The following KHDRBS2 variants were observed in gnomAD, a reference collection of about 807,000 sequenced individuals.
KHDRBS2 encodes the protein KH domain-containing, RNA-binding, signal transduction-associated protein 2.
KHDRBS2 carries 26 observed loss-of-function variants against 44.3 expected under a neutral mutation model. That is an observed-to-expected ratio of 0.59 (90% CI 0.43 to 0.81). The LOEUF (loss-of-function observed/expected upper bound fraction) is 0.81. Ranked by LOEUF, KHDRBS2 falls within the 40% of genes least tolerant of loss-of-function variation. The probability of loss-of-function intolerance (pLI) is 0.00; values close to 1 mark genes in which losing one functional copy is unlikely to be tolerated. For synonymous variants in KHDRBS2, 194 were observed against 151.1 expected (o/e 1.28, Z -2.08); for missense variants, 476 against 433.1 (o/e 1.10, Z -0.88).
chr6:62,098,045 C>T (rs1234922667), intron 2 of KHDRBS2, among the ~76,000 whole-genome samples: 1 of 152,036 alleles, frequency 6.6e-6, no homozygotes, highest in Non-Finnish European at 1.5e-5. Context: ...ATTCCCCCCA[C>T]ATTTGGAATT....
chr6:61,614,659 A>G, the KHDRBS2 span, among the ~76,000 whole-genome samples: 1 of 152,262 alleles, frequency 6.6e-6, no homozygotes, highest in African/African-American at 2.4e-5. Flanking sequence ...TTTTTATTCT[A>G]GATAGAGGCA....
At chr6:62,027,689 T>C (rs1341230857) in intron 3 of KHDRBS2, among the ~76,000 whole-genome samples, 1 of 152,084 alleles carries the variant, frequency 6.6e-6, no homozygotes, top group African/African-American at 2.4e-5. Flanking sequence ...ATAACATGCT[T>C]ATGAAATGCA....
intron 1 of KHDRBS2, among the ~76,000 whole-genome samples, chr6:62,283,009 A>T (rs879474568): frequency 6.6e-6 from 1 of 152,122 alleles, no homozygotes; most frequent in Admixed American, 6.6e-5. Flanking sequence ...AAATAAACTT[A>T]TGTAATTTCA....
At chr6:62,210,319 C>A (rs1828803367) in intron 1 of KHDRBS2, among the ~76,000 whole-genome samples, 2 of 144,752 alleles carry the variant, frequency 1.4e-5, no homozygotes, top group Non-Finnish European at 1.5e-5. Flanking sequence ...GCACATTATT[C>A]TAGCATTCTT....
chr6:62,250,207 C>T lies in KHDRBS2; in HGVS notation c.91+35651G>A, dbSNP rs116556034. On this transcript the variant is annotated intron_variant, in intron 1 of 8. Transcript: ENST00000281156. ...AAAGAGGACAAACGATCAGCTATTGCTAATGAAATACTGTAATTATAAATT... is the reference window on the plus strand; with the variant it reads ...AAAGAGGACAAACGATCAGCTATTGTTAATGAAATACTGTAATTATAAATT... Among the ~76,000 whole-genome samples, 380 of 152,118 alleles carry T rather than the reference C, an allele frequency of 2.5e-3. 3 individuals are homozygous for T. Among genetic ancestry groups the T allele is most frequent in the African/African-American group, 8.4e-3 (348 of 41,532 alleles).
chr6:61,775,316 A>G (rs1353749345), intron 6 of KHDRBS2, among the ~76,000 whole-genome samples: 1 of 152,116 alleles, frequency 6.6e-6, no homozygotes, highest in Non-Finnish European at 1.5e-5. Flanking sequence ...AGAAGGAAAT[A>G]AAGGGTATTC....
At chr6:61,678,216 C>A (rs1766055283), downstream of KHDRBS2, among the ~76,000 whole-genome samples, 1 of 151,936 alleles carries the variant, frequency 6.6e-6, no homozygotes. Context: ...CATTTCAGTT[C>A]TTTGAGCATC....
intron 1 of KHDRBS2, among the ~76,000 whole-genome samples, chr6:62,223,140 T>C (rs1358022247): frequency 1.3e-5 from 2 of 152,238 alleles, no homozygotes; most frequent in African/African-American, 4.8e-5. Flanking sequence ...AGCAAACTTC[T>C]GCCTGGACAT....
At chr6:62,183,883 TTAAC>T (rs576702112) in intron 1 of KHDRBS2, among the ~76,000 whole-genome samples, 4 of 151,722 alleles carry the variant, frequency 2.6e-5, no homozygotes, top group African/African-American at 9.6e-5. Context: ...GGAAGGAACT[TTAAC>T]TATTTTACAA....
intron 6 of KHDRBS2, among the ~76,000 whole-genome samples, chr6:61,847,276 A>G (rs1198369436): frequency 6.6e-6 from 1 of 152,166 alleles, no homozygotes; most frequent in African/African-American, 2.4e-5. Context: ...TAGAAAACTT[A>G]TATTTGTAAA....
intron 7 of KHDRBS2, among the ~76,000 whole-genome samples, chr6:61,723,550 AAAACAAACAAAC>A (rs199689641): frequency 1.4e-4 from 22 of 152,090 alleles, no homozygotes; most frequent in African/African-American, 4.3e-4. Context: ...CTCCATCTCA[AAAACAAACAAAC>A]AAACAAACAA....
Position 62,240,672 on chromosome 6 carries a change from GTATATATATATATATATATATA to G in KHDRBS2, c.91+45164_91+45185del, listed in dbSNP as rs4036655. ...TGTATGTGTGTATGTATGTGTGTGT[GTATATATATATATATATATATA>G]TATATATATATATATATATATATAA... On this transcript the variant is annotated intron_variant, in intron 1 of 8. Coordinates refer to ENST00000281156, the MANE Select transcript of KHDRBS2 (RefSeq NM_152688.4). Among the ~76,000 whole-genome samples, 424 of 64,160 alleles carry G rather than the reference GTATATATATATATATATATATA, an allele frequency of 6.6e-3. 6 individuals are homozygous for G. The highest frequency in any genetic ancestry group is 0.015 in the African/African-American group (278 of 18,898). 42.1% of individuals were successfully genotyped at this position (64,160 alleles called of 152,430 possible).
intron 5 of KHDRBS2, among the ~76,000 whole-genome samples, chr6:61,898,396 T>TTTATTGTAAGTCTCTAAGTGA (rs1469311624): frequency 6.6e-6 from 1 of 151,986 alleles, no homozygotes; most frequent in African/African-American, 2.4e-5. Flanking sequence ...CATTTAATGT[T>TTTATTGTAAGTCTCTAAGTGA]TTATTGTAAG....
At chr6:62,001,392 T>G (rs1203484405) in intron 3 of KHDRBS2, among the ~76,000 whole-genome samples, 7 of 152,008 alleles carry the variant, frequency 4.6e-5, no homozygotes, top group African/African-American at 9.7e-5. Context: ...CATTTTTTTT[T>G]TTTTACATAT....
At chr6:61,643,518 T>G in the KHDRBS2 span, among the ~76,000 whole-genome samples, 1 of 152,152 alleles carries the variant, frequency 6.6e-6, no homozygotes, top group African/African-American at 2.4e-5. Flanking sequence ...GAAGTCAAAC[T>G]ATCCTTGTTT....
At chr6:61,911,914 C>T (rs907338641) in intron 4 of KHDRBS2, among the ~76,000 whole-genome samples, 7 of 151,874 alleles carry the variant, frequency 4.6e-5, no homozygotes, top group Non-Finnish European at 7.4e-5. Flanking sequence ...GCATACTATT[C>T]ATACTATTCT....
At chr6:61,821,871 A>G (rs1474593684) in intron 6 of KHDRBS2, among the ~76,000 whole-genome samples, 4 of 151,940 alleles carry the variant, frequency 2.6e-5, no homozygotes, top group Non-Finnish European at 5.9e-5. Context: ...TAGGTGTCTG[A>G]AGTTGTTTAA....
chr6:61,920,468 A>C (rs1390821511), intron 4 of KHDRBS2, among the ~76,000 whole-genome samples: 1 of 151,962 alleles, frequency 6.6e-6, no homozygotes, highest in African/African-American at 2.4e-5. Context: ...CACCTATTTG[A>C]AACAATAAGG....
At chr6:62,223,238 G>A (rs147292039) in intron 1 of KHDRBS2, among the ~76,000 whole-genome samples, 6 of 152,336 alleles carry the variant, frequency 3.9e-5, no homozygotes, top group South Asian at 2.1e-4. Flanking sequence ...GCTCAACACC[G>A]CGTGGAGGCT....
Sources: allele counts gnomAD v4.1 joint callset (sites outside exome capture counted in the v4.1 genomes callset), GRCh38; gene constraint gnomAD v4.1.1; transcripts MANE v1.5; gene names NCBI Gene and HGNC (gene_info 2026-07-23, HGNC 2026-07-21).